The following CACNA2D3 variants were observed in gnomAD, a reference collection of about 807,000 sequenced individuals.
CACNA2D3 encodes voltage-dependent calcium channel subunit alpha-2/delta-3.
Under a neutral mutation model 160.6 loss-of-function variants are expected in CACNA2D3, and 60 were observed. The observed-to-expected ratio is 0.37, with a 90% CI of 0.30 to 0.46. The LOEUF is 0.46. CACNA2D3 is among the 20% of genes least tolerant of loss of function. CACNA2D3 has a pLI of 1.00. For synonymous variants in CACNA2D3, 558 were observed against 492.9 expected, an observed-to-expected ratio of 1.13 and a Z score of -1.75; for missense variants, 1,205 against 1,365.0, an observed-to-expected ratio of 0.88 and a Z score of 1.85.
chr3:54,338,649 C>T (rs1376295518), intron 3 of CACNA2D3, among the ~76,000 whole-genome samples: 1 of 152,090 alleles, frequency 6.6e-6, no homozygotes, highest in Non-Finnish European at 1.5e-5. Context: ...TTATGGGCCA[C>T]TTGATTATTG....
intron 11 of CACNA2D3, among the ~76,000 whole-genome samples, chr3:54,668,438 C>T (rs1470451269): frequency 6.6e-6 from 1 of 152,144 alleles, no homozygotes; most frequent in Non-Finnish European, 1.5e-5. Flanking sequence ...TGTGGGTTCA[C>T]CTCCGCCATT....
In CACNA2D3 at chr3:55,074,322, C is replaced by CAGCATCTCATCATGATTT; in HGVS notation, c.*117_*134dup. ...CGAGACATGAATATAGTCCAACCAT[C>CAGCATCTCATCATGATTT]AGCATCTCATCATGATTTTAAACTG... On this transcript the variant is annotated 3_prime_UTR_variant, in exon 38 of 38. Transcript: ENST00000474759. 1 of 802,850 alleles carries CAGCATCTCATCATGATTT rather than the reference C, an allele frequency of 1.2e-6. No homozygotes were observed. Among genetic ancestry groups the CAGCATCTCATCATGATTT allele is most frequent in the South Asian group, 1.5e-5 (1 of 68,014 alleles). 49.7% of individuals were successfully genotyped at this position (802,850 alleles called of 1,614,324 possible).
chr3:54,603,452 A>G (rs977986589), intron 9 of CACNA2D3, among the ~76,000 whole-genome samples: 9 of 152,188 alleles, frequency 5.9e-5, no homozygotes, highest in East Asian at 3.9e-4. Context: ...CTCCCAGAAG[A>G]CAAGTCCTGA....
chr3:54,489,132 G>T (rs572471269), intron 4 of CACNA2D3, among the ~76,000 whole-genome samples: 1 of 152,340 alleles, frequency 6.6e-6, no homozygotes, highest in East Asian at 1.9e-4. Flanking sequence ...AGAGGCCAGA[G>T]TGAGCAGGGC....
intron 2 of CACNA2D3, among the ~76,000 whole-genome samples, chr3:54,278,922 G>A (rs1406421426): frequency 3.3e-5 from 5 of 152,200 alleles, no homozygotes; most frequent in Middle Eastern, 3.4e-3. Flanking sequence ...ACCATGTCAC[G>A]TGTATACCTA....
At chr3:54,829,350 ATGT>A (rs763912785) in intron 14 of CACNA2D3, among the ~76,000 whole-genome samples, 14 of 152,018 alleles carry the variant, frequency 9.2e-5, no homozygotes, top group Non-Finnish European at 1.5e-4. Context: ...AGGATAAGAG[ATGT>A]TGTGATGATG....
intron 2 of CACNA2D3, among the ~76,000 whole-genome samples, chr3:54,237,870 T>C (rs2107403149): frequency 6.6e-6 from 1 of 152,290 alleles, no homozygotes; most frequent in East Asian, 1.9e-4. Flanking sequence ...GAAAAAATGG[T>C]TCCATGGGTG....
chr3:54,854,477 T>C (rs1248754114), intron 17 of CACNA2D3, among the ~76,000 whole-genome samples: 1 of 152,172 alleles, frequency 6.6e-6, no homozygotes, highest in Non-Finnish European at 1.5e-5. Flanking sequence ...ACTGGGTGTG[T>C]GCTTGGACAC....
chr3:54,176,090 T>G (rs1700672651), intron 2 of CACNA2D3, among the ~76,000 whole-genome samples: 1 of 152,206 alleles, frequency 6.6e-6, no homozygotes, highest in South Asian at 2.1e-4. Flanking sequence ...TTGCCTAGCT[T>G]TGAGGGTCCT....
chr3:54,260,113 A>C (rs1243681078), intron 2 of CACNA2D3, among the ~76,000 whole-genome samples: 1 of 152,152 alleles, frequency 6.6e-6, no homozygotes, highest in Admixed American at 6.5e-5. Flanking sequence ...GATGTGACAA[A>C]TTTTTCTACT....
At chr3:55,050,678 G>C (rs1019871463) in intron 35 of CACNA2D3, among the ~76,000 whole-genome samples, 45 of 132,378 alleles carry the variant, frequency 3.4e-4, no homozygotes, top group Non-Finnish European at 5.4e-4. Context: ...AAGTTCTCCT[G>C]GATAATATCC....
At chr3:54,626,518 A>C in intron 9 of CACNA2D3, 2 of 1,608,568 alleles carry the variant, frequency 1.2e-6, no homozygotes, top group Non-Finnish European at 1.7e-6. Context: ...CAAGACCTTC[A>C]ACCAGGTGGA....
intron 11 of CACNA2D3, among the ~76,000 whole-genome samples, chr3:54,745,099 A>G (rs1701729499): frequency 6.6e-6 from 1 of 152,258 alleles, no homozygotes; most frequent in South Asian, 2.1e-4. Flanking sequence ...GTTCCCTAGA[A>G]GCAGAAGGCA....
intron 3 of CACNA2D3, among the ~76,000 whole-genome samples, chr3:54,376,588 G>T (rs772613199): frequency 1.3e-5 from 2 of 152,106 alleles, no homozygotes; most frequent in African/African-American, 4.8e-5. Context: ...TGTAGCCCAC[G>T]CCACATTATC....
chr3:54,740,652 G>A (rs184543563), intron 11 of CACNA2D3, among the ~76,000 whole-genome samples: 1 of 152,266 alleles, frequency 6.6e-6, no homozygotes, highest in East Asian at 1.9e-4. Flanking sequence ...AGTGAACACT[G>A]TCCTCAGCAA....
At chr3:54,374,226 C>T (rs758768454) in intron 3 of CACNA2D3, among the ~76,000 whole-genome samples, 4 of 152,200 alleles carry the variant, frequency 2.6e-5, no homozygotes, top group Admixed American at 6.5e-5. Flanking sequence ...CAACGATCTC[C>T]GGTGTCTGCA....
chr3:54,165,683 G>A, intron 2 of CACNA2D3, among the ~76,000 whole-genome samples: 1 of 151,492 alleles, frequency 6.6e-6, no homozygotes, highest in South Asian at 2.1e-4. Flanking sequence ...GCTGAGGTGG[G>A]AGGATTGCTT....
intron 4 of CACNA2D3, among the ~76,000 whole-genome samples, chr3:54,433,244 C>T (rs190902857): frequency 3.3e-5 from 5 of 152,270 alleles, no homozygotes; most frequent in African/African-American, 4.8e-5. Context: ...GTCTAGGTCT[C>T]TTTCCAGTGT....
At chr3:54,996,345 A>G (rs1449073903) in intron 31 of CACNA2D3, among the ~76,000 whole-genome samples, 4 of 152,204 alleles carry the variant, frequency 2.6e-5, no homozygotes, top group African/African-American at 9.6e-5. Context: ...TTGTGATTCC[A>G]TTTTCCCCTT....
Sources: gnomAD v4.1 joint callset for allele counts (sites outside exome capture counted in the v4.1 genomes callset) on GRCh38, gnomAD v4.1.1 for gene constraint, MANE v1.5 for transcripts, NCBI Gene and HGNC (gene_info 2026-07-23, HGNC 2026-07-21) for gene names.